NKAIN3: variants seen among roughly 807,000 people sequenced by gnomAD.
The protein encoded by NKAIN3 is sodium/potassium-transporting ATPase subunit beta-1-interacting protein 3.
Under a neutral mutation model 30.2 loss-of-function variants are expected in NKAIN3, and 25 were observed. The observed-to-expected ratio is 0.83, with a 90% CI of 0.60 to 1.16. The LOEUF (loss-of-function observed/expected upper bound fraction) is 1.16. Ranked by LOEUF, NKAIN3 falls within the 50% of genes most tolerant of loss-of-function variation. The pLI is 0.00. For missense variants in NKAIN3, 225 were observed against 254.1 expected, an observed-to-expected ratio of 0.89 and a Z score of 0.78; for synonymous variants, 91 against 89.6, an observed-to-expected ratio of 1.02 and a Z score of -0.09.
chr8:62,729,023 C>CAAAAAAAAAAAAAAAAAAAAAAAAAAAAA (rs1491319730), intron 3 of NKAIN3, among the ~76,000 whole-genome samples: 1 of 23,616 alleles, frequency 4.2e-5, no homozygotes, highest in Non-Finnish European at 8.2e-5. Context: ...AACAAACAAA[C>CAAAAAAAAAAAAAAAAAAAAAAAAAAAAA]CAAAAAAAAA....
intron 4 of NKAIN3, among the ~76,000 whole-genome samples, chr8:62,804,177 C>G: frequency 6.6e-6 from 1 of 152,144 alleles, no homozygotes; most frequent in Non-Finnish European, 1.5e-5. Context: ...AGAATTCTAC[C>G]AGAGGTACAA....
At chr8:62,253,574 A>T (rs1054107735) in intron 1 of NKAIN3, among the ~76,000 whole-genome samples, 2 of 152,232 alleles carry the variant, frequency 1.3e-5, no homozygotes, top group African/African-American at 2.4e-5. Flanking sequence ...CTATCTAAAA[A>T]GAAAGAAATA....
At chr8:62,280,346 C>T (rs1245021581) in intron 1 of NKAIN3, among the ~76,000 whole-genome samples, 2 of 152,100 alleles carry the variant, frequency 1.3e-5, no homozygotes, top group Non-Finnish European at 2.9e-5. Context: ...TTCCTCTTTT[C>T]CTAATTGCAT....
intron 4 of NKAIN3, among the ~76,000 whole-genome samples, chr8:62,831,366 C>T (rs775718159): frequency 3.9e-5 from 6 of 152,096 alleles, no homozygotes; most frequent in South Asian, 4.1e-4. Flanking sequence ...CACTAGCTCT[C>T]CAGAAATCCT....
intron 1 of NKAIN3, among the ~76,000 whole-genome samples, chr8:62,528,340 A>AATATATTAT (rs1554543403): frequency 3.6e-5 from 1 of 27,674 alleles, no homozygotes; most frequent in African/African-American, 1.5e-4. Context: ...TATATTATAT[A>AATATATTAT]ATATATATAT....
At chr8:62,661,800 A>T (rs1812953723) in intron 3 of NKAIN3, among the ~76,000 whole-genome samples, 1 of 152,028 alleles carries the variant, frequency 6.6e-6, no homozygotes. Context: ...TTAACTAAGG[A>T]GTCTTGCCTG....
intron 5 of NKAIN3, among the ~76,000 whole-genome samples, chr8:62,945,721 C>T (rs557475832): frequency 6.6e-6 from 1 of 152,216 alleles, no homozygotes; most frequent in South Asian, 2.1e-4. Flanking sequence ...GTTTGAAGAC[C>T]ACTGGTCTCT....
chr8:62,252,137 G>GT (rs952431673), intron 1 of NKAIN3, among the ~76,000 whole-genome samples: 175 of 147,038 alleles, frequency 1.2e-3, no homozygotes, highest in African/African-American at 3.3e-3. Context: ...GAAACCAACT[G>GT]TTTTTTTTTT....
intron 4 of NKAIN3, among the ~76,000 whole-genome samples, chr8:62,812,544 G>C (rs1818523111): frequency 6.6e-6 from 1 of 151,562 alleles, no homozygotes; most frequent in Admixed American, 6.6e-5. Context: ...TAAAGATTCT[G>C]TATATGATTC....
chr8:62,285,020 A>C (rs1160801839), intron 1 of NKAIN3, among the ~76,000 whole-genome samples: 1 of 152,042 alleles, frequency 6.6e-6, no homozygotes, highest in Non-Finnish European at 1.5e-5. Context: ...TACTAGAATG[A>C]CTCTGTAATT....
intron 3 of NKAIN3, among the ~76,000 whole-genome samples, chr8:62,665,296 T>C (rs1813065034): frequency 6.6e-6 from 1 of 152,210 alleles, no homozygotes; most frequent in South Asian, 2.1e-4. Context: ...CTGAAGCCCT[T>C]TCATAGCTTA....
At chr8:62,820,998 A>T (rs1287444382) in intron 4 of NKAIN3, among the ~76,000 whole-genome samples, 2 of 152,176 alleles carry the variant, frequency 1.3e-5, no homozygotes, top group Non-Finnish European at 2.9e-5. Flanking sequence ...AATTTTAATT[A>T]ATGCTGATTG....
In NKAIN3 at chr8:62,687,331, G is replaced by A. The variant is rs114774328; in HGVS notation, c.274-59601G>A. Among the ~76,000 whole-genome samples, 411 of 152,272 alleles carry A rather than the reference G, an allele frequency of 2.7e-3. 2 individuals are homozygous for A. Among genetic ancestry groups the A allele is most frequent in the African/African-American group, 9.4e-3 (392 of 41,562 alleles). On this transcript the variant is annotated intron_variant, in intron 3 of 6. Transcript: ENST00000623646. Reference sequence around the variant, plus strand: ...TTCAGGCTTCAGAACAAATCTTCAAGTCCCCTATTACACTATTCTCGTCCC... The same window carrying A: ...TTCAGGCTTCAGAACAAATCTTCAAATCCCCTATTACACTATTCTCGTCCC...
rs150065135 is a variant in NKAIN3, at chr8:62,637,987, T to C, written c.273+48193T>C. Among the ~76,000 whole-genome samples the C allele has an allele frequency of 3.6e-3, 547 of 152,296 alleles. 1 individual carries two copies. The highest frequency in any genetic ancestry group is 8.8e-3 in the African/African-American group (367 of 41,564). ...CTAAAGGACTCGCCAGTTGATTCAC[T>C]ATCTCTGGGGGCTTTAATATTCTAA... On this transcript the variant is annotated intron_variant, in intron 3 of 6. Transcript: ENST00000623646.
At chr8:62,667,453 T>C (rs1813160630) in intron 3 of NKAIN3, among the ~76,000 whole-genome samples, 1 of 150,302 alleles carries the variant, frequency 6.7e-6, no homozygotes, top group African/African-American at 2.5e-5. Context: ...CCCACAGATG[T>C]GATCGCCACA....
intron 1 of NKAIN3, among the ~76,000 whole-genome samples, chr8:62,383,881 C>CTTTTTTTTT (rs202071193): frequency 6.9e-6 from 1 of 145,788 alleles, no homozygotes; most frequent in Non-Finnish European, 1.5e-5. Context: ...CATGAATTTT[C>CTTTTTTTTT]TTTTTTTTTT....
chr8:62,382,237 A>C (rs764456314), intron 1 of NKAIN3, among the ~76,000 whole-genome samples: 42 of 152,224 alleles, frequency 2.8e-4, no homozygotes, highest in Non-Finnish European at 5.1e-4. Context: ...AGTAAGTTAG[A>C]GAAAACAAAA....
rs567033461 is a variant in NKAIN3, at chr8:62,875,732, T to C, written c.472-42721T>C. Among the ~76,000 whole-genome samples, 7 of 152,162 alleles carry C rather than the reference T, an allele frequency of 4.6e-5. No homozygotes were observed. The South Asian group carries it at 6.2e-4, about 14-fold the overall frequency. On this transcript the variant is annotated intron_variant, in intron 4 of 6. Coordinates refer to ENST00000623646, the MANE Select transcript of NKAIN3 (RefSeq NM_001304533.3). ...AAAAACAAGCAATGGGGAAAGGATC[T>C]CCTCCTATTCAGGAAATGGTGCTTG... is the stretch of plus-strand genomic sequence containing the variant.
In NKAIN3 at chr8:62,877,182, C is replaced by A. The variant is rs544071569; in HGVS notation, c.472-41271C>A. Among the ~76,000 whole-genome samples, 118 of 152,162 alleles carry A rather than the reference C, an allele frequency of 7.8e-4. 2 individuals are homozygous for A. The highest frequency in any genetic ancestry group is 3.5e-3 in the South Asian group (17 of 4,822). On this transcript the variant is annotated intron_variant, in intron 4 of 6. Coordinates refer to ENST00000623646, the MANE Select transcript of NKAIN3 (RefSeq NM_001304533.3). The stretch of plus-strand genomic sequence containing the variant: ...TCTCACGGCCAAAGGAGCTCTGAAC[C>A]AAAGGCTCCTCCTATCTTATGGACC...
Sources: gnomAD v4.1 joint callset for allele counts (sites outside exome capture counted in the v4.1 genomes callset) on GRCh38, gnomAD v4.1.1 for gene constraint, MANE v1.5 for transcripts, NCBI Gene and HGNC (gene_info 2026-07-23, HGNC 2026-07-21) for gene names.